The following CSNK2A1 variants were observed in gnomAD, a reference collection of about 807,000 sequenced individuals.
CSNK2A1 encodes casein kinase II subunit alpha.
A neutral mutation model predicts 62.9 loss-of-function variants in CSNK2A1; 10 were observed. The observed-to-expected ratio is 0.16, with a 90% confidence interval of 0.10 to 0.27. The LOEUF is 0.27. Among genes scored for constraint, CSNK2A1 ranks in the 10% least tolerant of loss-of-function variants. The probability of loss-of-function intolerance (pLI) is 1.00; values close to 1 mark genes in which losing one functional copy is unlikely to be tolerated. For missense variants in CSNK2A1, 160 were observed against 492.0 expected (o/e 0.33, Z 6.38); for synonymous variants, 124 against 167.8 (o/e 0.74, Z 2.02).
intron 1 of CSNK2A1, among the ~76,000 whole-genome samples, chr20:542,376 C>CCAGT (rs2019468841): frequency 6.6e-6 from 1 of 152,226 alleles, no homozygotes; most frequent in African/African-American, 2.4e-5. Context: ...ACTGGGCCTA[C>CCAGT]ACTGCACTCC....
rs147067056 is a variant in CSNK2A1, at chr20:474,607, A to T, written c.*9354T>A. ...ACTGCTACTATCTTAACAATAATTTAAAAAATCTCAAAATAACATGCAACT... is the reference window on the plus strand; with the variant it reads ...ACTGCTACTATCTTAACAATAATTTTAAAAATCTCAAAATAACATGCAACT... On this transcript the variant is annotated 3_prime_UTR_variant, in exon 14 of 14. Coordinates refer to ENST00000217244, the MANE Select transcript of CSNK2A1 (RefSeq NM_177559.3). 6.6e-4 allele frequency: 100 copies of T among 152,360 alleles called. No homozygotes were observed. Among genetic ancestry groups the T allele is most frequent in the African/African-American group, 2.2e-3 (92 of 41,584 alleles). 9.4% of individuals were successfully genotyped at this position (152,360 alleles called of 1,614,324 possible).
At chr20:523,899 A>G (rs2019007689) in intron 2 of CSNK2A1, among the ~76,000 whole-genome samples, 1 of 150,618 alleles carries the variant, frequency 6.6e-6, no homozygotes, top group Non-Finnish European at 1.5e-5. Flanking sequence ...AACTCAGAAC[A>G]GAACAGTGGT....
At chr20:498,159 C>A (rs1404979304) in intron 6 of CSNK2A1, 2 of 181,626 alleles carry the variant, frequency 1.1e-5, no homozygotes, top group Non-Finnish European at 2.3e-5. Flanking sequence ...CTCATCTTTG[C>A]CTTACATAGT....
chr20:505,055 T>C lies in CSNK2A1; in HGVS notation c.213+63A>G, dbSNP rs2018546454. 6.4e-6 allele frequency: 9 copies of C among 1,412,180 alleles called. No individual in the cohort carries two copies. In the South Asian group the frequency reaches 8.3e-5, roughly 13 times the overall value. The allele number at this position is 1,412,180 out of a possible 1,614,324, so 87.5% of individuals were successfully genotyped here. A position where few individuals can be genotyped will look rare whatever the true frequency, so the allele number is the denominator to read the frequency against. ...CCTTTTAAATGCTGTTTTAAAAAAG[T>C]CTTCAAAACTACTTTTAAAAATCTA... On this transcript the variant is annotated intron_variant, in intron 4 of 13. Transcript: ENST00000217244.
At chr20:536,538 C>A (rs1457776716) in intron 1 of CSNK2A1, among the ~76,000 whole-genome samples, 1 of 152,174 alleles carries the variant, frequency 6.6e-6, no homozygotes, top group African/African-American at 2.4e-5. Flanking sequence ...ACTGTAGAGA[C>A]AAGAACTCCC....
In CSNK2A1 at chr20:481,421, C is replaced by G. The variant is rs1379420378; in HGVS notation, c.*2540G>C. On this transcript the variant is annotated 3_prime_UTR_variant, in exon 14 of 14. Coordinates refer to ENST00000217244, the MANE Select transcript of CSNK2A1 (RefSeq NM_177559.3). ...AGTGCTGAGAAATAGTGTCCCAATA[C>G]AAGGTATACAGATGAGGTAATTTAC... 6.6e-6 allele frequency: 1 copy of G among 151,804 alleles called. No homozygotes were observed. The highest frequency in any genetic ancestry group is 1.9e-4 in the East Asian group (1 of 5,190). 9.4% of individuals were successfully genotyped at this position (151,804 alleles called of 1,614,324 possible).
At chr20:543,217 C>T (rs1051532182) in intron 1 of CSNK2A1, 3 of 152,506 alleles carry the variant, frequency 2.0e-5, no homozygotes, top group Non-Finnish European at 4.4e-5. Context: ...CAGAGGGACC[C>T]TAAGAAGGCC....
chr20:525,974 TA>T lies in CSNK2A1; in HGVS notation c.-110+1958del, dbSNP rs1429571263. On this transcript the variant is annotated intron_variant, in intron 2 of 13. Transcript: ENST00000217244. The stretch of plus-strand genomic sequence containing the variant: ...GAGCTGTGATTATGCCACTGCACTC[TA>T]GCCTGGGCGACATAGCAAGGCCCTG... Among the ~76,000 whole-genome samples the T allele has an allele frequency of 2.0e-4, 30 of 151,180 alleles. No individual in the cohort carries two copies. In the South Asian group the frequency reaches 6.3e-3, roughly 32 times the overall value.
In CSNK2A1 at chr20:490,335, C is replaced by CTTTTCTTTTTTTTTTTT. The variant is rs1430310808; in HGVS notation, c.622-455_622-454insAAAAAAAAAAAAGAAAA. Reference sequence around the variant, plus strand: ...ACCCACCGTGCCTGGCTAGTTTTTTCTTTTTTTTTTTTTTTTAGTTTTTTT... The same window carrying CTTTTCTTTTTTTTTTTT: ...ACCCACCGTGCCTGGCTAGTTTTTTCTTTTCTTTTTTTTTTTTTTTTTTTTTTTTTTTTAGTTTTTTT... On this transcript the variant is annotated intron_variant, in intron 9 of 13. Transcript: ENST00000217244. Among the ~76,000 whole-genome samples, 275 of 84,764 alleles carry CTTTTCTTTTTTTTTTTT rather than the reference C, an allele frequency of 3.2e-3. 6 individuals carry two copies. Among genetic ancestry groups the CTTTTCTTTTTTTTTTTT allele is most frequent in the African/African-American group, 0.014 (260 of 18,160 alleles). 55.6% of individuals were successfully genotyped at this position (84,764 alleles called of 152,430 possible). A position where few individuals can be genotyped will look rare whatever the true frequency, so the allele number is the denominator to read the frequency against.
chr20:510,113 T>A (rs2018686636), intron 2 of CSNK2A1: 2 of 152,020 alleles, frequency 1.3e-5, no homozygotes, highest in Admixed American at 6.5e-5. Context: ...TAAATTATTG[T>A]ATCAATGTAA....
chr20:528,273 C>G (rs1208045099), intron 1 of CSNK2A1, among the ~76,000 whole-genome samples: 1 of 152,208 alleles, frequency 6.6e-6, no homozygotes, highest in Non-Finnish European at 1.5e-5. Context: ...ACATAGCAGA[C>G]AACCATCATC....
At chr20:526,993 G>GGGAC (rs1568559060) in intron 2 of CSNK2A1, 1 of 117,924 alleles carries the variant, frequency 8.5e-6, no homozygotes, top group Non-Finnish European at 1.7e-5. Context: ...GAAAGAGAGA[G>GGGAC]AGACAGACAG....
intron 2 of CSNK2A1, among the ~76,000 whole-genome samples, chr20:519,725 T>C (rs929732724): frequency 6.6e-6 from 1 of 152,062 alleles, no homozygotes; most frequent in African/African-American, 2.4e-5. Context: ...CAAGCAAATG[T>C]CTCTAAAGAA....
rs890947409 is a variant in CSNK2A1, at chr20:495,817, G to A, written c.427-15C>T. ...TAATCCAGGGCCTGTGGGATGAACG[G>A]GTCAGAAAGGAGTTAGCCTGAATAA... is the stretch of plus-strand genomic sequence containing the variant. On this transcript the variant is annotated splice_polypyrimidine_tract_variant and intron_variant, in intron 7 of 13. Coordinates refer to ENST00000217244, the MANE Select transcript of CSNK2A1 (RefSeq NM_177559.3). 1.9e-6 allele frequency: 3 copies of A among 1,610,054 alleles called. No homozygotes were observed. Among genetic ancestry groups the A allele is most frequent in the Non-Finnish European group, 2.5e-6 (3 of 1,176,504 alleles).
chr20:493,664 G>A (rs570018611), intron 8 of CSNK2A1, among the ~76,000 whole-genome samples: 15 of 152,224 alleles, frequency 9.9e-5, no homozygotes, highest in African/African-American at 2.4e-4. Context: ...TTACATGCAC[G>A]CATGTGTTTG....
Position 476,556 on chromosome 20 carries a change from G to T in CSNK2A1, c.*7405C>A. The T allele has an allele frequency of 6.6e-6, 1 of 151,864 alleles. No homozygotes were observed. 9.4% of individuals were successfully genotyped at this position (151,864 alleles called of 1,614,324 possible). On this transcript the variant is annotated 3_prime_UTR_variant, in exon 14 of 14. Transcript: ENST00000217244. Reference sequence around the variant, plus strand: ...TTACAGGCGTGAGCCACCATGCCCGGCACCTAGTGAGTTTTTCTGTTACTT... The same window carrying T: ...TTACAGGCGTGAGCCACCATGCCCGTCACCTAGTGAGTTTTTCTGTTACTT...
intron 2 of CSNK2A1, among the ~76,000 whole-genome samples, chr20:513,034 G>A (rs1167657985): frequency 6.6e-6 from 1 of 152,204 alleles, no homozygotes; most frequent in Non-Finnish European, 1.5e-5. Flanking sequence ...GTAGAGAAAG[G>A]TGTAGGTGTG....
intron 7 of CSNK2A1, chr20:496,122 C>T (rs962758150): frequency 4.0e-6 from 1 of 248,198 alleles, no homozygotes; most frequent in East Asian, 8.6e-5. Context: ...TCCACAGACC[C>T]CTCAAAGAAA....
intron 1 of CSNK2A1, among the ~76,000 whole-genome samples, chr20:540,536 C>A (rs1296049623): frequency 2.0e-5 from 3 of 152,142 alleles, no homozygotes; most frequent in Admixed American, 6.5e-5. Flanking sequence ...AAAAGTATGT[C>A]CTAGGCCTTT....
Sources: allele counts gnomAD v4.1 joint callset (sites outside exome capture counted in the v4.1 genomes callset), GRCh38; gene constraint gnomAD v4.1.1; transcripts MANE v1.5; gene names NCBI Gene and HGNC (gene_info 2026-07-23, HGNC 2026-07-21).